MAF: variants seen among roughly 807,000 people sequenced by gnomAD.
MAF encodes MAF bZIP transcription factor, also known as transcription factor Maf.
Under a neutral mutation model 22.0 loss-of-function variants are expected in MAF, and 10 were observed. That is an observed-to-expected ratio of 0.45 (90% CI 0.28 to 0.77). The LOEUF is 0.77. Ranked by LOEUF, MAF falls within the 30% of genes least tolerant of loss-of-function variation. MAF has a pLI of 0.12. For missense variants in MAF, 544 were observed against 548.4 expected (o/e 0.99, Z 0.08); for synonymous variants, 337 against 255.8 (o/e 1.32, Z -3.03).
intron 1 of MAF, among the ~76,000 whole-genome samples, chr16:79,587,869 AGG>A (rs5818249): frequency 0.061 from 7,217 of 118,806 alleles, 445 homozygotes; most frequent in African/African-American, 0.16. Flanking sequence ...TACTTTCAAA[AGG>A]GGGGGGGGGG....
chr16:79,540,636 G>T, the MAF span, among the ~76,000 whole-genome samples: 6 of 152,218 alleles, frequency 3.9e-5, no homozygotes, highest in Non-Finnish European at 8.8e-5. Flanking sequence ...CTGGGTGTCT[G>T]CTTCCCGGTG....
At chr16:79,252,329 T>C in the MAF span, among the ~76,000 whole-genome samples, 1 of 152,222 alleles carries the variant, frequency 6.6e-6, no homozygotes, top group Non-Finnish European at 1.5e-5. Context: ...TAGACACAAA[T>C]TGGAATTTCA....
At chr16:79,212,906 T>TAAAC in the MAF span, 1 of 151,482 alleles carries the variant, frequency 6.6e-6, no homozygotes, top group Non-Finnish European at 1.5e-5. Context: ...TATTTTCTGT[T>TAAAC]AAAGAAAGAA....
At chr16:79,312,827 A>C in the MAF span, among the ~76,000 whole-genome samples, 13 of 152,294 alleles carry the variant, frequency 8.5e-5, no homozygotes, top group Non-Finnish European at 1.8e-4. Flanking sequence ...CTTCGGCTAC[A>C]TATAAGACAG....
the MAF span, among the ~76,000 whole-genome samples, chr16:79,304,560 G>T: frequency 6.6e-6 from 1 of 152,220 alleles, no homozygotes; most frequent in African/African-American, 2.4e-5. Context: ...GATTCCATAA[G>T]TTGGAGACAA....
chr16:79,254,858 G>T, the MAF span, among the ~76,000 whole-genome samples: 2 of 152,102 alleles, frequency 1.3e-5, no homozygotes, highest in Non-Finnish European at 2.9e-5. Flanking sequence ...TGATCATTTT[G>T]CCTGACCTTT....
chr16:79,212,867 A>G, the MAF span: 1 of 152,120 alleles, frequency 6.6e-6, no homozygotes, highest in African/African-American at 2.4e-5. Context: ...CCGTGGGCCA[A>G]GTTGTCTCAC....
At chr16:79,424,646 T>A in the MAF span, among the ~76,000 whole-genome samples, 1,682 of 152,316 alleles carry the variant, frequency 0.011, 11 homozygotes, top group Non-Finnish European at 0.019. Context: ...TTTACTGCAA[T>A]TGCTGGAGTA....
At chr16:79,510,554 C>T in the MAF span, among the ~76,000 whole-genome samples, 1 of 152,066 alleles carries the variant, frequency 6.6e-6, no homozygotes, top group Non-Finnish European at 1.5e-5. Flanking sequence ...CCTTCCATTG[C>T]ACACACTTTT....
chr16:79,337,640 C>T, the MAF span, among the ~76,000 whole-genome samples: 1,244 of 152,254 alleles, frequency 8.2e-3, 92 homozygotes, highest in East Asian at 0.16. Context: ...CCATCTCCAT[C>T]GTCTTTAAAC....
chr16:79,430,799 AC>A, the MAF span, among the ~76,000 whole-genome samples: 1 of 152,180 alleles, frequency 6.6e-6, no homozygotes, highest in Non-Finnish European at 1.5e-5. Flanking sequence ...TGCCTTTTAC[AC>A]GCATAGCTTT....
chr16:79,285,097 T>C, the MAF span, among the ~76,000 whole-genome samples: 1 of 152,226 alleles, frequency 6.6e-6, no homozygotes, highest in African/African-American at 2.4e-5. Context: ...ACCTATTTCA[T>C]GCTCATTTAA....
chr16:79,397,992 C>T, the MAF span, among the ~76,000 whole-genome samples: 1 of 152,226 alleles, frequency 6.6e-6, no homozygotes, highest in South Asian at 2.1e-4. Context: ...TATTATCTCA[C>T]AGTTCTGGAG....
At chr16:79,363,270 C>G in the MAF span, among the ~76,000 whole-genome samples, 13,461 of 152,126 alleles carry the variant, frequency 0.088, 1,091 homozygotes, top group African/African-American at 0.2. Context: ...AAATACAGCT[C>G]CTTCTTGACT....
chr16:79,341,113 G>T, the MAF span, among the ~76,000 whole-genome samples: 1 of 152,154 alleles, frequency 6.6e-6, no homozygotes, highest in South Asian at 2.1e-4. Context: ...AGAGTGTAGG[G>T]GCAGGTGTGG....
chr16:79,208,927 G>T, the MAF span, among the ~76,000 whole-genome samples: 2 of 152,226 alleles, frequency 1.3e-5, no homozygotes, highest in East Asian at 3.9e-4. Context: ...GAGGAAAGTA[G>T]AGTGAGTACC....
the MAF span, among the ~76,000 whole-genome samples, chr16:79,355,368 G>C: frequency 6.6e-6 from 1 of 152,224 alleles, no homozygotes; most frequent in Non-Finnish European, 1.5e-5. Flanking sequence ...TGTCCCCAGG[G>C]ATGAAGTTTT....
rs1377954240 is a variant in MAF, at chr16:79,599,479, C to A, written c.424G>T (p.Ala142Ser). The change falls in exon 1 of 2, where the codon GCC becomes TCC. Residue 142 changes from alanine to serine, a missense_variant. This residue lies in a region of MAF where 342 missense variants were observed against 315.5 expected (regional missense o/e 1.08). Transcript: ENST00000326043. ...ARGAQQLAAA[A>S]GAGAGASLGG... ...AAGGAGGCGCCGGCACCGGCCCCGG[C>A]CGCCGCGGCCAGCTGCTGCGCCCCG... 2.1e-6 allele frequency: 3 copies of A among 1,396,568 alleles called. No homozygotes were observed. Among genetic ancestry groups the A allele is most frequent in the Middle Eastern group, 5.2e-4 (2 of 3,864 alleles). The allele number at this position is 1,396,568 out of a possible 1,614,324, so 86.5% of individuals were successfully genotyped here.
At chr16:79,582,522 G>T (rs1912582697), downstream of MAF, among the ~76,000 whole-genome samples, 1 of 152,178 alleles carries the variant, frequency 6.6e-6, no homozygotes, top group Non-Finnish European at 1.5e-5. Context: ...CGCTGCACAT[G>T]CTCTGCTATA....
Sources: gnomAD v4.1 joint callset for allele counts (sites outside exome capture counted in the v4.1 genomes callset) on GRCh38, gnomAD v4.1.1 for gene constraint, gnomAD v4.1.1 regional missense constraint, MANE v1.5 for transcripts, NCBI Gene and HGNC (gene_info 2026-07-23, HGNC 2026-07-21) for gene names.